Variants in DPYSL3 observed in about 807,000 individuals in gnomAD.
The protein encoded by DPYSL3 is dihydropyrimidinase like 3, also known as dihydropyrimidinase-related protein 3.
Under a neutral mutation model 66.1 loss-of-function variants are expected in DPYSL3, and 16 were observed. That is an observed-to-expected ratio of 0.24 (90% CI 0.16 to 0.37). The LOEUF is 0.37. DPYSL3 is among the 10% of genes least tolerant of loss of function. The pLI, the probability that DPYSL3 is intolerant of heterozygous loss-of-function variation, is 1.00. For synonymous variants in DPYSL3, 338 were observed against 345.1 expected (o/e 0.98, Z 0.23); for missense variants, 738 against 916.2 (o/e 0.81, Z 2.51).
intron 1 of DPYSL3, among the ~76,000 whole-genome samples, chr5:147,452,438 TACACACACACAC>T (rs35272843): frequency 4.9e-5 from 7 of 142,046 alleles, no homozygotes; most frequent in Non-Finnish European, 9.3e-5. Flanking sequence ...ATTCCCCCAC[TACACACACACAC>T]ACACACACAC....
At chr5:147,428,193 A>C (rs1450588150) in intron 1 of DPYSL3, among the ~76,000 whole-genome samples, 2 of 152,242 alleles carry the variant, frequency 1.3e-5, no homozygotes, top group Non-Finnish European at 2.9e-5. Context: ...CCCAAAGATG[A>C]ATCATAGGCC....
chr5:147,479,576 A>G (rs562680069), intron 1 of DPYSL3, among the ~76,000 whole-genome samples: 30 of 152,324 alleles, frequency 2.0e-4, no homozygotes, highest in African/African-American at 7.0e-4. Flanking sequence ...ACATCAGAGC[A>G]ACCACAGAGC....
chr5:147,401,493 A>T (rs757139318), intron 9 of DPYSL3, 47 bp downstream of exon 9: 26 of 1,562,792 alleles, frequency 1.7e-5, no homozygotes, highest in South Asian at 2.4e-5. Flanking sequence ...GCTGGACTCA[A>T]GAGATGTTTT....
intron 1 of DPYSL3, among the ~76,000 whole-genome samples, chr5:147,441,242 T>G (rs114319042): frequency 6.6e-6 from 1 of 152,304 alleles, no homozygotes; most frequent in African/African-American, 2.4e-5. Context: ...CAACAGAAAC[T>G]TATCTTCCCA....
At chr5:147,463,980 T>C (rs747677849) in intron 1 of DPYSL3, among the ~76,000 whole-genome samples, 3 of 151,576 alleles carry the variant, frequency 2.0e-5, no homozygotes, top group Admixed American at 6.6e-5. Flanking sequence ...TCTCATTAAC[T>C]GGCACAGGAT....
rs948064777 is a variant in DPYSL3 at position 147,501,896 on chromosome 5, G to C, written c.381+7582C>G. Among the ~76,000 whole-genome samples, 4 of 152,140 alleles carry C rather than the reference G, an allele frequency of 2.6e-5. 1 individual carries two copies. Among genetic ancestry groups the C allele is most frequent in the African/African-American group, 9.7e-5 (4 of 41,420 alleles). ...CAGGGGTATATGGGAAGTACTCTCT[G>C]TACTTTCCACTTGACTTCACTGTGA... On this transcript the variant is annotated intron_variant, in intron 1 of 13. Transcript: ENST00000343218.
At position 147,392,277 on chromosome 5, in the gene DPYSL3, GA is replaced by G. The variant is rs775342340; in HGVS notation, c.*1757del. On this transcript the variant is annotated 3_prime_UTR_variant, in exon 14 of 14. Coordinates refer to ENST00000343218, the MANE Select transcript of DPYSL3 (RefSeq NM_001197294.2). ...ATAGCAAGCTTCCCTATTCTAAGGG[GA>G]AATAGTCTTTTTTCATGATTTGAAC... 1.3e-5 allele frequency: 2 copies of G among 152,186 alleles called. No homozygotes were observed. The highest frequency in any genetic ancestry group is 2.9e-5 in the Non-Finnish European group (2 of 68,032). 9.4% of individuals were successfully genotyped at this position (152,186 alleles called of 1,614,324 possible).
chr5:147,413,910 T>A (rs1181788098), intron 4 of DPYSL3, among the ~76,000 whole-genome samples: 4 of 152,188 alleles, frequency 2.6e-5, no homozygotes, highest in Non-Finnish European at 4.4e-5. Flanking sequence ...AACTCCCCTG[T>A]CCAGCATCCC....
At chr5:147,430,433 C>T (rs1752289821) in intron 1 of DPYSL3, among the ~76,000 whole-genome samples, 2 of 150,312 alleles carry the variant, frequency 1.3e-5, no homozygotes, top group African/African-American at 4.9e-5. Context: ...TCACTTGAAC[C>T]TGGGAGGCAG....
intron 10 of DPYSL3, among the ~76,000 whole-genome samples, chr5:147,399,678 G>T (rs927385958): frequency 7.9e-5 from 12 of 152,160 alleles, no homozygotes; most frequent in Non-Finnish European, 1.5e-4. Flanking sequence ...ATAACAATGG[G>T]TTCCCTGGGT....
chr5:147,484,320 C>T (rs1464166291), intron 1 of DPYSL3, among the ~76,000 whole-genome samples: 1 of 152,200 alleles, frequency 6.6e-6, no homozygotes, highest in African/African-American at 2.4e-5. Flanking sequence ...GCCTTCCTGC[C>T]TCAGCCTGCA....
chr5:147,463,527 A>G (rs1332826600), intron 1 of DPYSL3, among the ~76,000 whole-genome samples: 1 of 152,116 alleles, frequency 6.6e-6, no homozygotes, highest in Admixed American at 6.5e-5. Flanking sequence ...GTCAAGATAC[A>G]TGTATTGCAT....
At chr5:147,433,038 G>A (rs1752342617) in intron 1 of DPYSL3, among the ~76,000 whole-genome samples, 1 of 152,158 alleles carries the variant, frequency 6.6e-6, no homozygotes, top group African/African-American at 2.4e-5. Flanking sequence ...GATCTACTCA[G>A]AAGATTTGAA....
rs150362085 is a variant in DPYSL3 at position 147,419,379 on chromosome 5, G to A, written c.471-748C>T. Among the ~76,000 whole-genome samples, 39 of 152,316 alleles carry A rather than the reference G, an allele frequency of 2.6e-4. No individual in the cohort carries two copies. The East Asian group carries it at 4.6e-3, about 18-fold the overall frequency. On this transcript the variant is annotated intron_variant, in intron 2 of 13. Coordinates refer to ENST00000343218, the MANE Select transcript of DPYSL3 (RefSeq NM_001197294.2). The stretch of plus-strand genomic sequence containing the variant: ...TTCAGAGCATCTTAGGGAGGAATAG[G>A]GGGGAGACTCAGGCAGAAGGAAGCC...
intron 1 of DPYSL3, among the ~76,000 whole-genome samples, chr5:147,458,381 T>C (rs1752883613): frequency 6.6e-6 from 1 of 152,174 alleles, no homozygotes; most frequent in Non-Finnish European, 1.5e-5. Flanking sequence ...GAAGTTACCC[T>C]AGATGGTCTA....
At chr5:147,457,207 C>T (rs1752865511) in intron 1 of DPYSL3, among the ~76,000 whole-genome samples, 2 of 152,126 alleles carry the variant, frequency 1.3e-5, no homozygotes, top group Admixed American at 1.3e-4. Flanking sequence ...ATCCTTATTA[C>T]ACCACCTGTC....
chr5:147,503,249 T>A (rs1753640772), intron 1 of DPYSL3, among the ~76,000 whole-genome samples: 1 of 152,208 alleles, frequency 6.6e-6, no homozygotes, highest in Non-Finnish European at 1.5e-5. Context: ...TAATTTATAT[T>A]TGGATTTTTT....
chr5:147,442,658 CA>C (rs558924321), intron 1 of DPYSL3, among the ~76,000 whole-genome samples: 35 of 150,206 alleles, frequency 2.3e-4, no homozygotes, highest in Admixed American at 1.6e-3. Flanking sequence ...CAAAACAATG[CA>C]AAAAAAATGA....
chr5:147,467,581 A>G (rs141997180), intron 1 of DPYSL3, among the ~76,000 whole-genome samples: 100 of 152,312 alleles, frequency 6.6e-4, no homozygotes, highest in African/African-American at 2.3e-3. Context: ...GGCATACACA[A>G]TTAATGCATA....
Sources: gnomAD v4.1 joint callset for allele counts (sites outside exome capture counted in the v4.1 genomes callset) on GRCh38, gnomAD v4.1.1 for gene constraint, MANE v1.5 for transcripts, NCBI Gene and HGNC (gene_info 2026-07-23, HGNC 2026-07-21) for gene names.